NSF: variants seen among roughly 807,000 people sequenced by gnomAD.
NSF encodes N-ethylmaleimide sensitive factor, vesicle fusing ATPase, also known as vesicle-fusing ATPase.
In NSF, 14 loss-of-function variants were observed where a neutral mutation model predicts 50.3. That is an observed-to-expected ratio of 0.28 (90% CI 0.18 to 0.44). NSF has a LOEUF of 0.44. Ranked by LOEUF, NSF falls within the 20% of genes least tolerant of loss-of-function variation. The pLI, the probability that NSF is intolerant of heterozygous loss-of-function variation, is 1.00. For missense variants in NSF, 218 were observed against 504.3 expected (o/e 0.43, Z 5.44); for synonymous variants, 109 against 175.7 (o/e 0.62, Z 3.00).
rs1377309593 is a variant in NSF at position 46,673,909 on chromosome 17, G to GATAT, written c.746-505_746-504insATAT. On this transcript the variant is annotated intron_variant, in intron 8 of 20. Transcript: ENST00000398238. Reference sequence around the variant, plus strand: ...GTTATGGCTGAATAGTATTCCATGGGGGTGTGTGTGTGTGTGTGTGTGTGT... The same window carrying GATAT: ...GTTATGGCTGAATAGTATTCCATGGGATATGGTGTGTGTGTGTGTGTGTGTGTGT... Among the ~76,000 whole-genome samples the GATAT allele has an allele frequency of 0.019, 177 of 9,288 alleles. 49 individuals carry two copies. The East Asian group carries it at 0.22, about 11-fold the overall frequency. The allele number at this position is 9,288 out of a possible 152,430, so 6.1% of individuals were successfully genotyped here. A position where few individuals can be genotyped will look rare whatever the true frequency, so the allele number is the denominator to read the frequency against.
At chr17:46,704,677 G>C (rs2058641510) in intron 12 of NSF, 82 bp from the exon 13 acceptor site, 4 of 1,516,736 alleles carry the variant, frequency 2.6e-6, no homozygotes, top group Non-Finnish European at 3.5e-6. Flanking sequence ...AAATCCTCAA[G>C]AGTTACGTTC....
chr17:46,708,709 GT>G (rs2058682952), intron 13 of NSF, among the ~76,000 whole-genome samples: 2 of 147,948 alleles, frequency 1.4e-5, no homozygotes, highest in African/African-American at 5.0e-5. Context: ...GGCCAGGCTG[GT>G]TTCAAACTCC....
rs2058749751 is a variant in NSF at position 46,714,528 on chromosome 17, C to T, written c.1761+542C>T. Among the ~76,000 whole-genome samples, 3 of 152,162 alleles carry T rather than the reference C, an allele frequency of 2.0e-5. No homozygotes were observed. The South Asian group carries it at 6.2e-4, about 32-fold the overall frequency. ...CTCGTCACCTTCTTAATTAACATGG[C>T]CACTTTCTACCATCAGTGAAGTTAG... On this transcript the variant is annotated intron_variant, in intron 15 of 20. Transcript: ENST00000398238.
intron 15 of NSF, among the ~76,000 whole-genome samples, chr17:46,715,208 G>A (rs1227649657): frequency 6.6e-6 from 1 of 152,178 alleles, no homozygotes; most frequent in African/African-American, 2.4e-5. Context: ...ATTGCCAGAT[G>A]CAAAAAGAAC....
Position 46,755,927 on chromosome 17 carries a change from T to A in NSF, c.*104T>A. 2 of 1,120,800 alleles carry A rather than the reference T, an allele frequency of 1.8e-6. No individual in the cohort carries two copies. Among genetic ancestry groups the A allele is most frequent in the Admixed American group, 4.2e-5 (2 of 47,230 alleles). 69.4% of individuals were successfully genotyped at this position (1,120,800 alleles called of 1,614,324 possible). On this transcript the variant is annotated 3_prime_UTR_variant, in exon 21 of 21. Transcript: ENST00000398238. ...CAAGATACTGGACTAAGTGGAACGT[T>A]CTCTACCTTCAACATGTGCTCGCTC...
At chr17:46,694,399 A>T (rs2058574565) in intron 11 of NSF, 76 bp from the exon 12 acceptor site, 1 of 1,130,688 alleles carries the variant, frequency 8.8e-7, no homozygotes, top group South Asian at 1.3e-5. Context: ...AATAATAGTA[A>T]TAATAATAAT....
chr17:46,746,197 A>G (rs2059126385), intron 17 of NSF, among the ~76,000 whole-genome samples: 1 of 152,180 alleles, frequency 6.6e-6, no homozygotes, highest in Non-Finnish European at 1.5e-5. Flanking sequence ...ATTTTTTCCT[A>G]GTTGATTCCT....
chr17:46,722,871 C>A (rs981355568), intron 15 of NSF, among the ~76,000 whole-genome samples: 1 of 152,178 alleles, frequency 6.6e-6, no homozygotes, highest in East Asian at 1.9e-4. Flanking sequence ...GCACAGCCTT[C>A]GTCATGGTCG....
chr17:46,721,770 A>C, intron 15 of NSF: 1 of 1,603,062 alleles, frequency 6.2e-7, no homozygotes, highest in Non-Finnish European at 8.5e-7. Context: ...GGGAAGACCA[A>C]GTCCTCAAGG....
At chr17:46,708,804 T>TTA (rs752353812) in intron 13 of NSF, among the ~76,000 whole-genome samples, 3,308 of 64,324 alleles carry the variant, frequency 0.051, 232 homozygotes, top group African/African-American at 0.1. Flanking sequence ...ACCATTTATT[T>TTA]TATATATATA....
At chr17:46,673,911 GTGTGTGT>G (rs796520863) in intron 8 of NSF, among the ~76,000 whole-genome samples, 216 of 5,486 alleles carry the variant, frequency 0.039, 100 homozygotes, top group Non-Finnish European at 0.18. Context: ...TTCCATGGGG[GTGTGTGT>G]GTGTGTGTGT....
At chr17:46,749,305 C>G (rs938427310) in intron 17 of NSF, among the ~76,000 whole-genome samples, 1 of 152,032 alleles carries the variant, frequency 6.6e-6, no homozygotes, top group African/African-American at 2.4e-5. Flanking sequence ...GCACTTTAGC[C>G]CATGCCTTTT....
intron 15 of NSF, among the ~76,000 whole-genome samples, chr17:46,725,544 A>T (rs1487624333): frequency 6.6e-6 from 1 of 152,188 alleles, no homozygotes; most frequent in African/African-American, 2.4e-5. Flanking sequence ...TGTTAGGAAT[A>T]CTTTAAAAAC....
chr17:46,714,027 A>C, intron 15 of NSF, 41 bp downstream of exon 15: 1 of 1,580,188 alleles, frequency 6.3e-7, no homozygotes, highest in Non-Finnish European at 8.6e-7. Context: ...CTATCTCTTA[A>C]ATGTGTGTGT....
At chr17:46,709,247 A>G (rs2058693457) in intron 13 of NSF, among the ~76,000 whole-genome samples, 1 of 152,220 alleles carries the variant, frequency 6.6e-6, no homozygotes. Context: ...CATTTTCAAA[A>G]GTAACTCCAA....
At chr17:46,613,120 T>A (rs2058027754) in intron 1 of NSF, among the ~76,000 whole-genome samples, 1 of 42,046 alleles carries the variant, frequency 2.4e-5, no homozygotes, top group Non-Finnish European at 6.8e-5. Context: ...AAAAAAAAAA[T>A]TGTTTTAATT....
chr17:46,742,455 C>T (rs947718390), intron 17 of NSF, among the ~76,000 whole-genome samples: 1 of 152,154 alleles, frequency 6.6e-6, no homozygotes, highest in South Asian at 2.1e-4. Context: ...ATCAGTAAAG[C>T]CAAACCGACT....
intron 15 of NSF, chr17:46,721,641 C>T (rs188887458): frequency 3.4e-4 from 535 of 1,594,160 alleles, no homozygotes; most frequent in Non-Finnish European, 4.1e-4. Context: ...TTCTTATAGA[C>T]ACCAGAAAAA....
At chr17:46,714,019 A>G (rs374941179) in intron 15 of NSF, 33 bp downstream of exon 15, 10 of 1,590,412 alleles carry the variant, frequency 6.3e-6, no homozygotes, top group South Asian at 3.5e-5. Flanking sequence ...TTAATTTCCT[A>G]TCTCTTAAAT....
Sources: allele counts gnomAD v4.1 joint callset (sites outside exome capture counted in the v4.1 genomes callset), GRCh38; gene constraint gnomAD v4.1.1; transcripts MANE v1.5; gene names NCBI Gene and HGNC (gene_info 2026-07-23, HGNC 2026-07-21).